OPRM1: variants seen among roughly 807,000 people sequenced by gnomAD.
OPRM1 encodes the protein mu-type opioid receptor.
Under a neutral mutation model 31.8 loss-of-function variants are expected in OPRM1, and 27 were observed. The observed-to-expected ratio is 0.85, with a 90% CI of 0.63 to 1.17. The LOEUF (loss-of-function observed/expected upper bound fraction) is 1.17, where lower values mean the gene tolerates loss of function less well. OPRM1 is among the 50% of genes most tolerant of loss of function. The pLI is 0.00. For missense variants in OPRM1, 536 were observed against 511.1 expected (o/e 1.05, Z -0.47); for synonymous variants, 196 against 189.9 (o/e 1.03, Z -0.26).
intron 3 of OPRM1, among the ~76,000 whole-genome samples, chr6:154,176,196 A>T (rs146149859): frequency 1.8e-3 from 271 of 152,340 alleles, no homozygotes; most frequent in Middle Eastern, 3.4e-3. Flanking sequence ...GCTATTTATG[A>T]CAAACCCACA....
At chr6:154,181,868 A>G (rs185595735) in intron 3 of OPRM1, among the ~76,000 whole-genome samples, 260 of 152,324 alleles carry the variant, frequency 1.7e-3, no homozygotes, top group African/African-American at 5.9e-3. Flanking sequence ...AGCAGAAGGT[A>G]ATAATCATAA....
chr6:154,089,945 T>G lies in OPRM1; in HGVS notation c.410T>G (p.Phe137Cys). 6.2e-7 allele frequency: 1 copy of G among 1,614,082 alleles called. No individual in the cohort carries two copies. Residue 137 changes from phenylalanine to cysteine, a missense_variant, in exon 2 of 4, where the codon TTT becomes TGT. Physicochemically the swap from Phe to Cys is radical, Grantham distance 205 (BLOSUM62 -2). Coordinates refer to ENST00000330432, the MANE Select transcript of OPRM1 (RefSeq NM_000914.5). Reference protein sequence around the residue: ...SVNYLMGTWPFGTILCKIVIS... With the variant: ...SVNYLMGTWPCGTILCKIVIS... ...AATTACCTAATGGGAACATGGCCAT[T>G]TGGAACCATCCTTTGCAAGATAGTG...
intron 1 of OPRM1, among the ~76,000 whole-genome samples, chr6:154,068,057 T>A (rs1785835112): frequency 6.6e-6 from 1 of 152,142 alleles, no homozygotes; most frequent in African/African-American, 2.4e-5. Context: ...AGACTCCCTT[T>A]AGCATTTTCT....
At chr6:154,045,522 C>G (rs1272801138) in intron 1 of OPRM1, among the ~76,000 whole-genome samples, 1 of 152,220 alleles carries the variant, frequency 6.6e-6, no homozygotes, top group Non-Finnish European at 1.5e-5. Flanking sequence ...CCCACCAGTG[C>G]TGTCCCCAAG....
At chr6:154,070,994 T>C (rs1786587683) in intron 1 of OPRM1, among the ~76,000 whole-genome samples, 3 of 152,276 alleles carry the variant, frequency 2.0e-5, no homozygotes, top group Middle Eastern at 3.4e-3. Context: ...TGGATAGACA[T>C]TGTAAGGTGC....
chr6:154,147,105 C>T (rs1798378157), intron 3 of OPRM1, among the ~76,000 whole-genome samples: 1 of 152,116 alleles, frequency 6.6e-6, no homozygotes, highest in Non-Finnish European at 1.5e-5. Flanking sequence ...AGGACAACTG[C>T]TCCAGGGAAG....
At chr6:154,038,676 C>G (rs1779473236), upstream of OPRM1, among the ~76,000 whole-genome samples, 1 of 152,182 alleles carries the variant, frequency 6.6e-6, no homozygotes. Context: ...GATGCCACAA[C>G]CTTCTGATTT....
chr6:154,150,488 T>C (rs1252990581), intron 3 of OPRM1, among the ~76,000 whole-genome samples: 1 of 152,178 alleles, frequency 6.6e-6, no homozygotes, highest in Admixed American at 6.5e-5. Context: ...GCACCCAAGA[T>C]AGGGAAATTG....
rs909054625 is a variant in OPRM1 at position 154,129,899 on chromosome 6, G to T, written c.*11178G>T. 6.9e-6 allele frequency among the ~76,000 whole-genome samples: 1 copy of T among 145,078 alleles called. No individual in the cohort carries two copies. The highest frequency in any genetic ancestry group is 1.5e-5 in the Non-Finnish European group (1 of 67,080). ...ACACACACACACAACATAGTGAAAT[G>T]GACCCGTGGGAATTATATGATAGTT... is the stretch of plus-strand genomic sequence containing the variant. On this transcript the variant is annotated 3_prime_UTR_variant, in exon 4 of 4. Transcript: ENST00000330432.
chr6:154,024,650 T>C (rs1260141240), intron 1 of OPRM1, among the ~76,000 whole-genome samples: 1 of 141,840 alleles, frequency 7.1e-6, no homozygotes, highest in Non-Finnish European at 1.5e-5. Flanking sequence ...TATTTGAAGT[T>C]TTTTTTTTTT....
chr6:154,170,692 A>T (rs1799801357), intron 3 of OPRM1, among the ~76,000 whole-genome samples: 1 of 152,206 alleles, frequency 6.6e-6, no homozygotes, highest in South Asian at 2.1e-4. Context: ...ACATGAAAAG[A>T]TGCTCAGTAT....
chr6:154,038,833 G>A (rs1414873980), upstream of OPRM1, among the ~76,000 whole-genome samples: 2 of 152,280 alleles, frequency 1.3e-5, no homozygotes, highest in East Asian at 1.9e-4. Context: ...ATAAAGGATC[G>A]CTGTTGTTCC....
At chr6:154,229,686 T>C (rs1175300565) in intron 3 of OPRM1, among the ~76,000 whole-genome samples, 1 of 152,162 alleles carries the variant, frequency 6.6e-6, no homozygotes, top group African/African-American at 2.4e-5. Context: ...AGTAAGCATA[T>C]AATTGCCATA....
chr6:154,092,940 T>G (rs575925772), intron 3 of OPRM1, among the ~76,000 whole-genome samples: 2 of 152,334 alleles, frequency 1.3e-5, no homozygotes, highest in South Asian at 4.1e-4. Context: ...CTCTGCTTCT[T>G]TTCTCTACGT....
intron 3 of OPRM1, among the ~76,000 whole-genome samples, chr6:154,105,010 C>T (rs1795379760): frequency 6.6e-6 from 1 of 152,136 alleles, no homozygotes. Flanking sequence ...GCCAGTTCCC[C>T]AAGGGACTTT....
chr6:154,181,544 T>G (rs1423471442), intron 3 of OPRM1, among the ~76,000 whole-genome samples: 1 of 152,226 alleles, frequency 6.6e-6, no homozygotes, highest in African/African-American at 2.4e-5. Context: ...TGAAAGTCAG[T>G]GAAGACTATA....
upstream of OPRM1, chr6:154,039,192 A>G (rs1242170068): frequency 3.9e-6 from 6 of 1,551,686 alleles, no homozygotes; most frequent in Non-Finnish European, 5.2e-6. Context: ...CCCAGTGAAG[A>G]GACCTACTCC....
rs1792035857 is a variant in OPRM1 at position 154,091,078 on chromosome 6, T to A, written c.770T>A (p.Met257Lys). The change falls in exon 3 of 4, where the codon ATG (methionine) becomes AAG (lysine). Residue 257 changes from methionine (M) to lysine (K), a missense_variant. By Grantham distance (95) the Met-to-Lys change is moderately conservative. Transcript: ENST00000330432. Reference protein sequence around the residue: ...VLIITVCYGLMILRLKSVRML... With the variant: ...VLIITVCYGLKILRLKSVRML... ...ATCATTACCGTGTGCTATGGACTGA[T>A]GATCTTGCGCCTCAAGAGTGTCCGC... 6.2e-7 allele frequency: 1 copy of A among 1,614,114 alleles called. No homozygotes were observed. The highest frequency in any genetic ancestry group is 8.5e-7 in the Non-Finnish European group (1 of 1,180,048).
chr6:154,145,231 A>G (rs1798328498), intron 3 of OPRM1, among the ~76,000 whole-genome samples: 1 of 152,248 alleles, frequency 6.6e-6, no homozygotes, highest in African/African-American at 2.4e-5. Context: ...GACTGTGATT[A>G]TCTTTGTAGA....
Sources: gnomAD v4.1 joint callset for allele counts (sites outside exome capture counted in the v4.1 genomes callset) on GRCh38, gnomAD v4.1.1 for gene constraint, MANE v1.5 for transcripts, NCBI Gene and HGNC (gene_info 2026-07-23, HGNC 2026-07-21) for gene names.